GYS2: variants seen among roughly 807,000 people sequenced by gnomAD.
The protein encoded by GYS2 is glycogen synthase 2, also known as glycogen [starch] synthase, liver.
A neutral mutation model predicts 85.6 loss-of-function variants in GYS2; 80 were observed. That is an observed-to-expected ratio of 0.93 (90% CI 0.78 to 1.13). GYS2 has a LOEUF of 1.13. GYS2 is among the 50% of genes most tolerant of loss of function. The pLI, the probability that GYS2 is intolerant of heterozygous loss-of-function variation, is 0.00. For missense variants in GYS2, 881 were observed against 854.9 expected (o/e 1.03, Z -0.38); for synonymous variants, 328 against 300.7 (o/e 1.09, Z -0.94).
intron 7 of GYS2, among the ~76,000 whole-genome samples, chr12:21,562,666 G>C (rs1249475765): frequency 8.0e-6 from 1 of 125,716 alleles, no homozygotes; most frequent in Non-Finnish European, 1.6e-5. Context: ...TAAGCTTAAT[G>C]AGACATATAA....
intron 15 of GYS2, 99 bp downstream of exon 15, chr12:21,539,159 A>G (rs1354928324): frequency 6.7e-6 from 5 of 743,630 alleles, no homozygotes; most frequent in African/African-American, 1.8e-5. Context: ...ATGAAAAAGT[A>G]TCATAGCTTG....
Position 21,582,303 on chromosome 12 carries a change from C to T in GYS2, c.122-1780G>A, listed in dbSNP as rs1251032882. Among the ~76,000 whole-genome samples, 3 of 152,084 alleles carry T rather than the reference C, an allele frequency of 2.0e-5. No individual in the cohort carries two copies. The South Asian group carries it at 6.2e-4, about 32-fold the overall frequency. On this transcript the variant is annotated intron_variant, in intron 1 of 15. Transcript: ENST00000261195. ...CAGTGGGCTGGGGAAGGCAGACCCACCCTTAATCTGGGTGGGCACCATCTA... is the reference window on the plus strand; with the variant it reads ...CAGTGGGCTGGGGAAGGCAGACCCATCCTTAATCTGGGTGGGCACCATCTA...
At chr12:21,576,221 C>A (rs1944445672) in intron 2 of GYS2, among the ~76,000 whole-genome samples, 164 bp from the exon 3 acceptor site, 1 of 152,180 alleles carries the variant, frequency 6.6e-6, no homozygotes, top group Non-Finnish European at 1.5e-5. Context: ...GTTTGAGCCT[C>A]AAGCTGGAAT....
chr12:21,575,601 A>T (rs1022168681), intron 3 of GYS2, among the ~76,000 whole-genome samples: 2 of 152,080 alleles, frequency 1.3e-5, no homozygotes, highest in Admixed American at 1.3e-4. Flanking sequence ...TATCATCTAT[A>T]TATGGGGCAA....
chr12:21,554,445 C>G (rs1012146320), intron 11 of GYS2, among the ~76,000 whole-genome samples: 1 of 152,162 alleles, frequency 6.6e-6, no homozygotes, highest in Non-Finnish European at 1.5e-5. Context: ...ATTAGTCCTT[C>G]GCATATCTAA....
intron 8 of GYS2, 65 bp from the exon 9 acceptor site, chr12:21,559,775 A>G (rs1944229637): frequency 4.0e-6 from 4 of 1,005,242 alleles, no homozygotes; most frequent in Middle Eastern, 2.1e-4. Context: ...ATTTGTCACG[A>G]TAATGCTATT....
chr12:21,539,341 A>G lies in GYS2; in HGVS notation c.1810-3T>C, dbSNP rs375829709. 6.8e-5 allele frequency: 107 copies of G among 1,572,218 alleles called. No homozygotes were observed. Among genetic ancestry groups the G allele is most frequent in the Non-Finnish European group, 9.2e-5 (105 of 1,142,130 alleles). ...AGGTGTCTGGCATGCTGGTAATACT[A>G]TTGATAGAAAGCCAAATCACAGGTT... On this transcript the variant is annotated splice_region_variant and splice_polypyrimidine_tract_variant and intron_variant, in intron 14 of 15. Coordinates refer to ENST00000261195, the MANE Select transcript of GYS2 (RefSeq NM_021957.4).
rs1455313965 is a variant in GYS2 at position 21,546,437 on chromosome 12, T to C, written c.1456A>G (p.Ser486Gly). 1.3e-6 allele frequency: 2 copies of C among 1,599,292 alleles called. No individual in the cohort carries two copies. Among genetic ancestry groups the C allele is most frequent in the Non-Finnish European group, 1.7e-6 (2 of 1,168,082 alleles). ...ILHPEFLSST[S>G]PLLPMDYEEF... The stretch of plus-strand genomic sequence containing the variant: ...TCATAGTCCATGGGTAGTAAGGGAC[T>C]GGTGGAGGATAGAAACTCTGGGTGC... Residue 486 changes from serine to glycine, a missense_variant, in exon 12 of 16, where the codon AGT becomes GGT. Ser to Gly is a moderately conservative substitution (Grantham distance 56, BLOSUM62 0). Coordinates refer to ENST00000261195, the MANE Select transcript of GYS2 (RefSeq NM_021957.4).
intron 4 of GYS2, among the ~76,000 whole-genome samples, chr12:21,572,641 A>T (rs1432976138): frequency 6.6e-6 from 1 of 152,146 alleles, no homozygotes; most frequent in East Asian, 1.9e-4. Context: ...TATCTCAACC[A>T]GTGAAGGGCT....
intron 11 of GYS2, among the ~76,000 whole-genome samples, chr12:21,546,985 C>T (rs902754756): frequency 3.9e-5 from 6 of 152,092 alleles, no homozygotes; most frequent in Non-Finnish European, 7.4e-5. Flanking sequence ...GGACTTCGTG[C>T]AAACCTCCCT....
rs74069429 is a variant in GYS2 at position 21,539,871 on chromosome 12, T to C, written c.1810-533A>G. 9.6e-3 allele frequency among the ~76,000 whole-genome samples: 1,459 copies of C among 152,330 alleles called. 27 individuals carry two copies. Among genetic ancestry groups the C allele is most frequent in the African/African-American group, 0.033 (1,374 of 41,572 alleles). ...ATTCAGCCAAGAGTGTTCAGCACTG[T>C]GCAAACAGACACATTATGTGAAGGC... On this transcript the variant is annotated intron_variant, in intron 14 of 15. Coordinates refer to ENST00000261195, the MANE Select transcript of GYS2 (RefSeq NM_021957.4).
chr12:21,539,080 T>G (rs1943942559), intron 15 of GYS2, among the ~76,000 whole-genome samples, 178 bp downstream of exon 15: 1 of 152,232 alleles, frequency 6.6e-6, no homozygotes, highest in South Asian at 2.1e-4. Context: ...ATGAATTAAC[T>G]GTCTTGAGAG....
rs374490374 is a variant in GYS2, at chr12:21,558,234, A to G, written c.1388T>C (p.Ile463Thr). ...TDPILSTIRR[I>T]GLFNNRTDRV... ...ATCTGTGCGGTTGTTGAAAAGTCCAATCCGTCTAATGGTGCTGAGGATGGG... is the reference window on the plus strand; with the variant it reads ...ATCTGTGCGGTTGTTGAAAAGTCCAGTCCGTCTAATGGTGCTGAGGATGGG... Residue 463 changes from isoleucine to threonine, a missense_variant, in exon 11 of 16, where the codon ATT (isoleucine) becomes ACT (threonine). Transcript: ENST00000261195. 9 of 1,613,564 alleles carry G rather than the reference A, an allele frequency of 5.6e-6. No homozygotes were observed. Among genetic ancestry groups the G allele is most frequent in the East Asian group, 2.2e-5 (1 of 44,882 alleles).
At chr12:21,576,672 C>G (rs1051237900) in intron 2 of GYS2, among the ~76,000 whole-genome samples, 1 of 152,122 alleles carries the variant, frequency 6.6e-6, no homozygotes, top group Non-Finnish European at 1.5e-5. Context: ...CTATTACATT[C>G]TTCAAATTGA....
intron 4 of GYS2, among the ~76,000 whole-genome samples, chr12:21,569,372 T>A (rs1944359637): frequency 6.6e-6 from 1 of 152,212 alleles, no homozygotes; most frequent in South Asian, 2.1e-4. Context: ...TTTTATATAT[T>A]TTCCCATAAA....
At chr12:21,537,426 TA>T in intron 15 of GYS2, 1 of 505,750 alleles carries the variant, frequency 2.0e-6, no homozygotes, top group Non-Finnish European at 3.5e-6. Context: ...TCTTATCTTT[TA>T]ACAACACTCT....
At chr12:21,569,772 T>C (rs142146803) in intron 4 of GYS2, among the ~76,000 whole-genome samples, 112 of 152,344 alleles carry the variant, frequency 7.4e-4, no homozygotes, top group African/African-American at 2.6e-3. Flanking sequence ...CTTTTCATAG[T>C]GAAGATTTTT....
At chr12:21,542,839 C>T (rs747747106) in intron 12 of GYS2, among the ~76,000 whole-genome samples, 3 of 152,192 alleles carry the variant, frequency 2.0e-5, no homozygotes, top group African/African-American at 4.8e-5. Context: ...AACTTTCCCA[C>T]CTTCACAAAG....
At chr12:21,583,543 ATCC>A (rs1591805404) in intron 1 of GYS2, among the ~76,000 whole-genome samples, 1 of 152,194 alleles carries the variant, frequency 6.6e-6, no homozygotes, top group East Asian at 1.9e-4. Flanking sequence ...GACCTAGCAG[ATCC>A]AATGATGCTT....
Sources: allele counts gnomAD v4.1 joint callset (sites outside exome capture counted in the v4.1 genomes callset), GRCh38; gene constraint gnomAD v4.1.1; transcripts MANE v1.5; gene names NCBI Gene and HGNC (gene_info 2026-07-23, HGNC 2026-07-21).